The following NFAT5 variants were observed in gnomAD, a reference collection of about 807,000 sequenced individuals.
The protein encoded by NFAT5 is nuclear factor of activated T-cells 5.
In NFAT5, 31 loss-of-function variants were observed where a neutral mutation model predicts 166.5. The observed-to-expected ratio is 0.19, with a 90% CI of 0.14 to 0.25. NFAT5 has a LOEUF of 0.25. Among genes scored for constraint, NFAT5 ranks in the 10% least tolerant of loss-of-function variants. The pLI, the probability that NFAT5 is intolerant of heterozygous loss-of-function variation, is 1.00. For missense variants in NFAT5, 1,449 were observed against 1,821.8 expected, an observed-to-expected ratio of 0.80 and a Z score of 3.72; for synonymous variants, 612 against 639.7, an observed-to-expected ratio of 0.96 and a Z score of 0.65.
At chr16:69,661,035 C>G (rs1325244715) in intron 7 of NFAT5, among the ~76,000 whole-genome samples, 1 of 150,716 alleles carries the variant, frequency 6.6e-6, no homozygotes, top group African/African-American at 2.4e-5. Flanking sequence ...GTCTTGAACT[C>G]CTGACCTCAA....
chr16:69,643,406 TATC>T (rs2035301217), intron 3 of NFAT5, among the ~76,000 whole-genome samples: 1 of 151,754 alleles, frequency 6.6e-6, no homozygotes, highest in Non-Finnish European at 1.5e-5. Flanking sequence ...AATGTTCTGA[TATC>T]ATTATTTTAT....
At chr16:69,694,823 G>A (rs1437395194) in intron 13 of NFAT5, among the ~76,000 whole-genome samples, 1 of 152,218 alleles carries the variant, frequency 6.6e-6, no homozygotes, top group East Asian at 1.9e-4. Flanking sequence ...AGTTTCTAAG[G>A]AGGTAGAAAC....
intron 2 of NFAT5, among the ~76,000 whole-genome samples, chr16:69,576,797 C>T (rs1259712739): frequency 6.6e-6 from 1 of 152,204 alleles, no homozygotes; most frequent in East Asian, 1.9e-4. Flanking sequence ...CCCAGGAGGT[C>T]AAGAAATACC....
At chr16:69,621,750 G>C (rs2034207911) in intron 2 of NFAT5, among the ~76,000 whole-genome samples, 2 of 152,118 alleles carry the variant, frequency 1.3e-5, no homozygotes, top group South Asian at 4.1e-4. Context: ...AGGATCACTT[G>C]AGTCCAAGAG....
chr16:69,664,271 AT>A (rs1343825946), intron 7 of NFAT5, among the ~76,000 whole-genome samples: 2 of 151,934 alleles, frequency 1.3e-5, no homozygotes, highest in Admixed American at 6.6e-5. Flanking sequence ...GATATTCATT[AT>A]TTTTTTCAAC....
intron 3 of NFAT5, among the ~76,000 whole-genome samples, chr16:69,638,167 C>T (rs747066759): frequency 1.3e-5 from 2 of 151,876 alleles, no homozygotes; most frequent in Admixed American, 6.6e-5. Context: ...TGCAGCGAGC[C>T]GAGATCACGC....
intron 2 of NFAT5, among the ~76,000 whole-genome samples, chr16:69,585,894 G>A (rs549749350): frequency 6.6e-6 from 1 of 152,290 alleles, no homozygotes; most frequent in African/African-American, 2.4e-5. Flanking sequence ...TGGGTACAGA[G>A]TTTGTTTGGA....
At chr16:69,615,488 G>A (rs1370906609) in intron 2 of NFAT5, among the ~76,000 whole-genome samples, 2 of 152,132 alleles carry the variant, frequency 1.3e-5, no homozygotes, top group Admixed American at 1.3e-4. Flanking sequence ...GGTTACTTTT[G>A]GGGTGCTGCT....
intron 3 of NFAT5, among the ~76,000 whole-genome samples, chr16:69,630,178 G>A (rs1346610471): frequency 6.6e-6 from 1 of 151,632 alleles, no homozygotes; most frequent in Non-Finnish European, 1.5e-5. Context: ...CTCAGGTGAT[G>A]GACCTGGCTG....
intron 2 of NFAT5, among the ~76,000 whole-genome samples, chr16:69,617,089 G>A (rs1347585351): frequency 1.3e-5 from 2 of 151,240 alleles, no homozygotes; most frequent in South Asian, 2.1e-4. Flanking sequence ...GACAACAGGC[G>A]CCCACCATCA....
At chr16:69,649,198 C>G (rs897834569) in intron 4 of NFAT5, 5 of 960,740 alleles carry the variant, frequency 5.2e-6, no homozygotes, top group Admixed American at 1.2e-4. Context: ...GTGATAGTAA[C>G]ACAGATCTAA....
intron 3 of NFAT5, among the ~76,000 whole-genome samples, chr16:69,637,759 A>G (rs2035028872): frequency 6.6e-6 from 1 of 152,218 alleles, no homozygotes; most frequent in South Asian, 2.1e-4. Flanking sequence ...ATACATAGCT[A>G]AACCATATCA....
At chr16:69,603,843 A>G (rs1256142194) in intron 2 of NFAT5, among the ~76,000 whole-genome samples, 5 of 152,226 alleles carry the variant, frequency 3.3e-5, no homozygotes, top group Admixed American at 1.3e-4. Context: ...GATATACTAA[A>G]TAGAAAAACT....
At position 69,659,760 on chromosome 16, in the gene NFAT5, T is replaced by C. The variant is rs202116987; in HGVS notation, c.1230T>C (p.Asn410=). The C allele has an allele frequency of 2.9e-5, 47 of 1,613,942 alleles. No homozygotes were observed. The Admixed American group carries it at 5.8e-4, about 20-fold the overall frequency. The change falls in exon 7 of 15, where the codon AAT becomes AAC. Residue 410 remains asparagine (N), a synonymous_variant. Coordinates refer to ENST00000349945, the MANE Select transcript of NFAT5 (RefSeq NM_138713.4). ...VDCVGILKLR[N]ADVEARIGIA... is the part of the protein sequence containing the mutation. ...GCGTAGGGATATTGAAATTGAGGAA[T>C]GCTGATGTCGAAGCCAGAATAGGAA...
chr16:69,672,502 C>G (rs1396890278), intron 9 of NFAT5, among the ~76,000 whole-genome samples: 2 of 152,204 alleles, frequency 1.3e-5, no homozygotes, highest in African/African-American at 4.8e-5. Context: ...ATAGCTTCCT[C>G]TGGAGTACTC....
At chr16:69,653,667 C>T (rs1246573624) in intron 5 of NFAT5, among the ~76,000 whole-genome samples, 1 of 151,180 alleles carries the variant, frequency 6.6e-6, no homozygotes, top group African/African-American at 2.4e-5. Context: ...CCTCTGCCTC[C>T]GGGGTGCAAG....
chr16:69,669,558 T>C (rs916259283), intron 7 of NFAT5, among the ~76,000 whole-genome samples: 1 of 152,056 alleles, frequency 6.6e-6, no homozygotes, highest in Admixed American at 6.6e-5. Flanking sequence ...AAAAAAAGAT[T>C]TTAGATTTTT....
intron 3 of NFAT5, among the ~76,000 whole-genome samples, chr16:69,627,430 C>A (rs940205781): frequency 1.3e-5 from 2 of 148,704 alleles, no homozygotes; most frequent in Non-Finnish European, 3.0e-5. Flanking sequence ...CCTAATATGA[C>A]ACCTCTCATC....
At chr16:69,606,442 T>G (rs1163245882) in intron 2 of NFAT5, among the ~76,000 whole-genome samples, 1 of 152,238 alleles carries the variant, frequency 6.6e-6, no homozygotes. Context: ...GAGATTTTTA[T>G]GTAAAATCTG....
Sources: gnomAD v4.1 joint callset for allele counts (sites outside exome capture counted in the v4.1 genomes callset) on GRCh38, gnomAD v4.1.1 for gene constraint, MANE v1.5 for transcripts, NCBI Gene and HGNC (gene_info 2026-07-23, HGNC 2026-07-21) for gene names.